Variants in SPTBN2 observed in about 807,000 individuals in gnomAD.
SPTBN2 encodes the protein spectrin beta chain, non-erythrocytic 2.
SPTBN2 carries 107 observed loss-of-function variants against 284.2 expected under a neutral mutation model. The ratio of observed to expected loss-of-function variants is 0.38; its 90% CI spans 0.32 to 0.44. The LOEUF (loss-of-function observed/expected upper bound fraction) is 0.44, where lower values mean the gene tolerates loss of function less well. Ranked by LOEUF, SPTBN2 falls within the 20% of genes least tolerant of loss-of-function variation. The pLI, the probability that SPTBN2 is intolerant of heterozygous loss-of-function variation, is 1.00. For synonymous variants in SPTBN2, 1,289 were observed against 1,354.8 expected, an observed-to-expected ratio of 0.95 and a Z score of 1.07; for missense variants, 2,569 against 3,287.1, an observed-to-expected ratio of 0.78 and a Z score of 5.34.
intron 1 of SPTBN2, among the ~76,000 whole-genome samples, chr11:66,726,605 A>G (rs1942628920): frequency 6.6e-6 from 1 of 152,206 alleles, no homozygotes; most frequent in South Asian, 2.1e-4. Context: ...CTAAACTCAA[A>G]TATCACTTCC....
In SPTBN2 at chr11:66,691,792, C is replaced by A; in HGVS notation, c.5191-134G>T. 1 of 1,348,366 alleles carries A rather than the reference C, an allele frequency of 7.4e-7. No homozygotes were observed. Among genetic ancestry groups the A allele is most frequent in the Non-Finnish European group, 1.0e-6 (1 of 970,686 alleles). The allele number at this position is 1,348,366 out of a possible 1,614,324, so 83.5% of individuals were successfully genotyped here. On this transcript the variant is annotated intron_variant, in intron 26 of 37. Transcript: ENST00000533211. The surrounding 1 kb of genome is among the most constrained non-coding windows in gnomAD (Gnocchi z 8.0). The stretch of plus-strand genomic sequence containing the variant: ...GCATGGGGGCCGGGACAGGTTTCTT[C>A]CCTGTGGTTAAGGAGTAGGTGCAGC...
chr11:66,732,523 G>A (rs776813004), upstream of SPTBN2, among the ~76,000 whole-genome samples: 1 of 151,896 alleles, frequency 6.6e-6, no homozygotes, highest in Non-Finnish European at 1.5e-5. Flanking sequence ...GGTGGCATGC[G>A]CCTGTAATCC....
chr11:66,686,077 C>G lies in SPTBN2; in HGVS notation c.6967G>C (p.Val2323Leu), dbSNP rs1457180871. Residue 2323 changes from valine to leucine, a missense_variant, in exon 38 of 38, where the codon GTG becomes CTG. Transcript: ENST00000533211. ...EAEMSSWLRV[V>L]NAAIATASSA... ...GACGCTGTGGCAATGGCTGCATTCA[C>G]CACCCGTAGCCACGAGCTCATCTCT... The G allele has an allele frequency of 1.2e-6, 2 of 1,613,494 alleles. No homozygotes were observed. The highest frequency in any genetic ancestry group is 1.7e-6 in the Non-Finnish European group (2 of 1,179,874).
At chr11:66,698,551 A>T in intron 20 of SPTBN2, 88 bp downstream of exon 20, 1 of 1,599,270 alleles carries the variant, frequency 6.3e-7, no homozygotes, top group Non-Finnish European at 8.5e-7. Flanking sequence ...ACAATCTCTA[A>T]CCATGACAAA....
chr11:66,691,246 C>A lies in SPTBN2; in HGVS notation c.5565+38G>T. ...TCCCCGGCATTTCCCCCATGGCCTCCTCTAAGCCTCCCCCACCTCCTCATG... is the reference window on the plus strand; with the variant it reads ...TCCCCGGCATTTCCCCCATGGCCTCATCTAAGCCTCCCCCACCTCCTCATG... On this transcript the variant is annotated intron_variant, in intron 27 of 37. Coordinates refer to ENST00000533211, the MANE Select transcript of SPTBN2 (RefSeq NM_006946.4). This position sits in a 1 kb window ranked among gnomAD's most constrained non-coding sequence, Gnocchi z 8.0. The A allele has an allele frequency of 6.6e-7, 1 of 1,511,228 alleles. No individual in the cohort carries two copies. Among genetic ancestry groups the A allele is most frequent in the South Asian group, 1.3e-5 (1 of 74,600 alleles). The allele number at this position is 1,511,228 out of a possible 1,614,324, so 93.6% of individuals were successfully genotyped here. A position where few individuals can be genotyped will look rare whatever the true frequency, so the allele number is the denominator to read the frequency against.
chr11:66,713,986 C>G lies in SPTBN2; in HGVS notation c.656+105G>C, dbSNP rs1942014250. The G allele has an allele frequency of 1.8e-5, 22 of 1,231,150 alleles. 1 individual carries two copies. In the South Asian group the frequency reaches 2.7e-4, roughly 15 times the overall value. 76.3% of individuals were successfully genotyped at this position (1,231,150 alleles called of 1,614,324 possible). A position where few individuals can be genotyped will look rare whatever the true frequency, so the allele number is the denominator to read the frequency against. The stretch of plus-strand genomic sequence containing the variant: ...GTTCTGCTCCGAGTGCTATTCCTTC[C>G]GTCTGACTGCTGTGCAGCTCATCTC... On this transcript the variant is annotated intron_variant, in intron 7 of 37. Coordinates refer to ENST00000533211, the MANE Select transcript of SPTBN2 (RefSeq NM_006946.4).
In SPTBN2 at chr11:66,705,253, C is replaced by T. The variant is rs776861052; in HGVS notation, c.2023G>A (p.Gly675Ser). 4.4e-6 allele frequency: 7 copies of T among 1,577,696 alleles called. No individual in the cohort carries two copies. Among genetic ancestry groups the T allele is most frequent in the East Asian group, 4.7e-5 (2 of 42,920 alleles). Reference sequence around the variant, plus strand: ...TGCTTGTTGAGCAGGCGGAGGGCACCGGTCAGGTCTCGGCCCGTGTCGGCT... The same window carrying T: ...TGCTTGTTGAGCAGGCGGAGGGCACTGGTCAGGTCTCGGCCCGTGTCGGCT... ...ASADTGRDLT[G>S]ALRLLNKHTA... Residue 675 changes from glycine to serine, a missense_variant, in exon 15 of 38, where the codon GGT (glycine) becomes AGT (serine). Physicochemically the swap from Gly to Ser is moderately conservative, Grantham distance 56 (BLOSUM62 0). Transcript: ENST00000533211.
Position 66,700,386 on chromosome 11 carries a change from A to G in SPTBN2, c.3573+140T>C, listed in dbSNP as rs1941171334. 1 of 1,258,322 alleles carries G rather than the reference A, an allele frequency of 7.9e-7. No homozygotes were observed. Among genetic ancestry groups the G allele is most frequent in the African/African-American group, 1.5e-5 (1 of 68,172 alleles). The allele number at this position is 1,258,322 out of a possible 1,614,324, so 77.9% of individuals were successfully genotyped here. A position where few individuals can be genotyped will look rare whatever the true frequency, so the allele number is the denominator to read the frequency against. On this transcript the variant is annotated intron_variant, in intron 17 of 37. Transcript: ENST00000533211. The surrounding 1 kb of genome is among the most constrained non-coding windows in gnomAD (Gnocchi z 6.6). ...GTGATCCTCCTACTTTGGCCTCCCA[A>G]AGTGCTGGAATTTCAGGTGTGAACC... is the stretch of plus-strand genomic sequence containing the variant.
Position 66,701,711 on chromosome 11 carries a change from G to A in SPTBN2, c.2689C>T (p.Leu897=). 1 of 1,614,050 alleles carries A rather than the reference G, an allele frequency of 6.2e-7. No homozygotes were observed. Among genetic ancestry groups the A allele is most frequent in the Non-Finnish European group, 8.5e-7 (1 of 1,180,012 alleles). The change falls in exon 16 of 38, where the codon CTG becomes TTG. Residue 897 remains leucine, a synonymous_variant. Coordinates refer to ENST00000533211, the MANE Select transcript of SPTBN2 (RefSeq NM_006946.4). ...GCAAGGGTGTTCATTTCAGGCTCCA[G>A]GGTCTCGAACCTGAGAGGGTGGAAG... The part of the protein sequence containing the change: ...LEVVQQRFET[L]EPEMNTLAAQ...
intron 15 of SPTBN2, among the ~76,000 whole-genome samples, chr11:66,701,956 T>C (rs139004557): frequency 2.2e-3 from 330 of 152,122 alleles, no homozygotes; most frequent in Non-Finnish European, 4.2e-3. Flanking sequence ...GCTCAAAAGA[T>C]GGTGAAAGGT....
intron 30 of SPTBN2, 108 bp from the exon 31 acceptor site, chr11:66,688,957 C>T: frequency 3.3e-6 from 5 of 1,498,708 alleles, no homozygotes; most frequent in Non-Finnish European, 4.6e-6. Context: ...GCCACTGCCC[C>T]AGAGCTGTGC....
chr11:66,705,187 G>T lies in SPTBN2; in HGVS notation c.2089C>A (p.Leu697Met). The change falls in exon 15 of 38, where the codon CTG becomes ATG. Residue 697 changes from leucine to methionine, a missense_variant. Coordinates refer to ENST00000533211, the MANE Select transcript of SPTBN2 (RefSeq NM_006946.4). ...RGEMSGRLGP[L>M]KLTLEQGQQL... ...TGGCCCTGCTCCAGGGTGAGCTTCAGGGGCCCCAGCCGGCCGCTCATCTCG... is the reference window on the plus strand; with the variant it reads ...TGGCCCTGCTCCAGGGTGAGCTTCATGGGCCCCAGCCGGCCGCTCATCTCG... 1 of 1,535,066 alleles carries T rather than the reference G, an allele frequency of 6.5e-7. No homozygotes were observed.
At position 66,707,353 on chromosome 11, in the gene SPTBN2, T is replaced by C. The variant is rs1941614329; in HGVS notation, c.1653+163A>G. Among the ~76,000 whole-genome samples the C allele has an allele frequency of 6.6e-6, 1 of 152,206 alleles. No individual in the cohort carries two copies. Among genetic ancestry groups the C allele is most frequent in the African/African-American group, 2.4e-5 (1 of 41,448 alleles). ...CTCCTCCATGTGGACACGAACCCCATGTGGACAGGGCCCTGTTTACTTTGT... is the reference window on the plus strand; with the variant it reads ...CTCCTCCATGTGGACACGAACCCCACGTGGACAGGGCCCTGTTTACTTTGT... On this transcript the variant is annotated intron_variant, in intron 13 of 37. Coordinates refer to ENST00000533211, the MANE Select transcript of SPTBN2 (RefSeq NM_006946.4). The surrounding 1 kb of genome is among the most constrained non-coding windows in gnomAD (Gnocchi z 4.9).
chr11:66,725,738 G>T (rs956243755), intron 1 of SPTBN2, among the ~76,000 whole-genome samples: 26 of 152,348 alleles, frequency 1.7e-4, no homozygotes, highest in African/African-American at 6.3e-4. Flanking sequence ...GCCGGCTGCA[G>T]GCTTGGGGTC....
rs1398920050 is a variant in SPTBN2, at chr11:66,710,844, C to T, written c.885+73G>A. The T allele has an allele frequency of 3.1e-6, 5 of 1,611,178 alleles. No homozygotes were observed. In the African/African-American group the frequency reaches 5.3e-5, roughly 17 times the overall value. On this transcript the variant is annotated intron_variant, in intron 9 of 37. Transcript: ENST00000533211. This position sits in a 1 kb window ranked among gnomAD's most constrained non-coding sequence, Gnocchi z 4.9. ...GCCCAGTCCTGCAGCTCCACCCTGC[C>T]CTTGCACTAGGGCAGTAAGACCCCT... is the stretch of plus-strand genomic sequence containing the variant.
rs544245839 is a variant in SPTBN2 at position 66,718,527 on chromosome 11, C to T, written c.158-2546G>A. On this transcript the variant is annotated intron_variant, in intron 3 of 37. Coordinates refer to ENST00000533211, the MANE Select transcript of SPTBN2 (RefSeq NM_006946.4). The surrounding 1 kb of genome is among the most constrained non-coding windows in gnomAD (Gnocchi z 4.8). ...GCAGCTGGTGAAAGCAGGAGGCCCC[C>T]GGGGTTGTGGGCCCCTTCCACAGCC... Among the ~76,000 whole-genome samples the T allele has an allele frequency of 4.4e-4, 67 of 152,330 alleles. No homozygotes were observed. Among genetic ancestry groups the T allele is most frequent in the African/African-American group, 1.5e-3 (64 of 41,578 alleles).
In SPTBN2 at chr11:66,710,641, G is replaced by T. The variant is rs138740917; in HGVS notation, c.1014C>A (p.Ser338Arg). The change falls in exon 10 of 38, where the codon AGC becomes AGA. Residue 338 changes from serine (S) to arginine (R), a missense_variant. Ser to Arg is a moderately radical substitution (Grantham distance 110, BLOSUM62 -1). Transcript: ENST00000533211. This position sits in a 1 kb window ranked among gnomAD's most constrained non-coding sequence, Gnocchi z 4.9. ...LNDRQLANSL[S>R]GVQNQLQSFN... ...AGGACTGCAGCTGGTTCTGGACCCC[G>T]CTAAGGGAGTTGGCCAACTGCCGGT... 6.2e-7 allele frequency: 1 copy of T among 1,614,096 alleles called. No homozygotes were observed. Among genetic ancestry groups the T allele is most frequent in the Admixed American group, 1.7e-5 (1 of 60,014 alleles).
intron 1 of SPTBN2, among the ~76,000 whole-genome samples, chr11:66,742,663 G>A (rs774001660): frequency 3.3e-5 from 5 of 151,796 alleles, no homozygotes; most frequent in African/African-American, 1.2e-4. Context: ...GGGCTAGAGT[G>A]CAGTGGTGTG....
chr11:66,710,971 G>A lies in SPTBN2; in HGVS notation c.831C>T (p.Tyr277=). 6.2e-7 allele frequency: 1 copy of A among 1,614,234 alleles called. No homozygotes were observed. The highest frequency in any genetic ancestry group is 1.1e-5 in the South Asian group (1 of 91,090). The part of the protein sequence containing the change: ...KSIITYVATY[Y]HYFSKMKALA... The stretch of plus-strand genomic sequence containing the variant: ...GGGCCTTCATCTTGGAGAAGTAATG[G>A]TAGTAAGTAGCCACATAGGTAATGA... Residue 277 remains tyrosine (Y), a synonymous_variant, in exon 9 of 38, where the codon TAC becomes TAT. Transcript: ENST00000533211. The surrounding 1 kb of genome is among the most constrained non-coding windows in gnomAD (Gnocchi z 4.9).
Sources: gnomAD v4.1 joint callset for allele counts (sites outside exome capture counted in the v4.1 genomes callset) on GRCh38, gnomAD v4.1.1 for gene constraint, Gnocchi (gnomAD v3.1) non-coding constraint, MANE v1.5 for transcripts, NCBI Gene and HGNC (gene_info 2026-07-23, HGNC 2026-07-21) for gene names.